ZNF30: variants seen among roughly 807,000 people sequenced by gnomAD.
The protein encoded by ZNF30 is zinc finger protein 30.
A neutral mutation model predicts 13.2 loss-of-function variants in ZNF30; 15 were observed. That is an observed-to-expected ratio of 1.13 (90% CI 0.76 to 1.75). The LOEUF (loss-of-function observed/expected upper bound fraction) is 1.75. Ranked by LOEUF, ZNF30 falls within the 40% of genes most tolerant of loss-of-function variation. The pLI is 0.00. For missense variants in ZNF30, 726 were observed against 757.0 expected (o/e 0.96, Z 0.48); for synonymous variants, 223 against 256.6 (o/e 0.87, Z 1.25).
intron 4 of ZNF30, among the ~76,000 whole-genome samples, chr19:34,936,410 T>A (rs2012742894): frequency 6.6e-6 from 1 of 152,170 alleles, no homozygotes; most frequent in African/African-American, 2.4e-5. Context: ...AGGTTTGGAC[T>A]TGAGCAGCCG....
intron 4 of ZNF30, among the ~76,000 whole-genome samples, chr19:34,935,700 G>GTTTTTTT (rs142285130): frequency 3.6e-5 from 3 of 84,220 alleles, no homozygotes; most frequent in Admixed American, 1.2e-4. Flanking sequence ...GTTGTCTATA[G>GTTTTTTT]TTTTTTTTTT....
intron 1 of ZNF30, among the ~76,000 whole-genome samples, chr19:34,928,220 A>AAAAATATATATAT (rs1555778254): frequency 2.0e-4 from 15 of 73,398 alleles, no homozygotes; most frequent in African/African-American, 6.8e-4. Flanking sequence ...AAAAAAAAAA[A>AAAAATATATATAT]ATATATATAT....
intron 4 of ZNF30, among the ~76,000 whole-genome samples, chr19:34,935,700 G>GTTTTTTTTTTTTTTTTTTTTTTTTTTATT (rs142285130): frequency 1.2e-5 from 1 of 84,222 alleles, no homozygotes; most frequent in Non-Finnish European, 2.2e-5. Flanking sequence ...GTTGTCTATA[G>GTTTTTTTTTTTTTTTTTTTTTTTTTTATT]TTTTTTTTTT....
intron 1 of ZNF30, among the ~76,000 whole-genome samples, chr19:34,927,728 A>G (rs1218410442): frequency 6.6e-6 from 1 of 152,190 alleles, no homozygotes; most frequent in Non-Finnish European, 1.5e-5. Flanking sequence ...AGGTTCTTCA[A>G]TTTTGCATTA....
chr19:34,924,232 G>C (rs2011992898), upstream of ZNF30, among the ~76,000 whole-genome samples: 1 of 151,986 alleles, frequency 6.6e-6, no homozygotes, highest in Non-Finnish European at 1.5e-5. Flanking sequence ...TCACTTTTGA[G>C]GGGCACTTTT....
intron 1 of ZNF30, among the ~76,000 whole-genome samples, chr19:34,927,911 A>C (rs912544446): frequency 1.3e-5 from 2 of 152,288 alleles, no homozygotes; most frequent in African/African-American, 4.8e-5. Flanking sequence ...TTAAGTAAAA[A>C]GTGGAAACAG....
At chr19:34,931,806 C>T (rs757893720) in intron 2 of ZNF30, 37 bp from the exon 3 acceptor site, 1 of 1,598,674 alleles carries the variant, frequency 6.3e-7, no homozygotes, top group Non-Finnish European at 8.5e-7. Flanking sequence ...TATTCCCTCT[C>T]CTTTCACCTT....
At chr19:34,926,891 C>T (rs761859823), upstream of ZNF30, 1 of 398,230 alleles carries the variant, frequency 2.5e-6, no homozygotes, top group Non-Finnish European at 4.4e-6. Context: ...TCTCCGGGCG[C>T]CGGTGGGCGG....
At chr19:34,929,488 G>A (rs1289400226) in intron 1 of ZNF30, among the ~76,000 whole-genome samples, 1 of 152,156 alleles carries the variant, frequency 6.6e-6, no homozygotes, top group Non-Finnish European at 1.5e-5. Context: ...TACCTCCCGT[G>A]TCTTGACCAA....
chr19:34,936,420 G>A (rs1332148223), intron 4 of ZNF30, among the ~76,000 whole-genome samples: 12 of 152,160 alleles, frequency 7.9e-5, no homozygotes, highest in Non-Finnish European at 1.5e-4. Context: ...TTGAGCAGCC[G>A]AATGGTGGTA....
intron 4 of ZNF30, among the ~76,000 whole-genome samples, chr19:34,940,619 G>C (rs1271294222): frequency 7.5e-6 from 1 of 132,844 alleles, no homozygotes; most frequent in Non-Finnish European, 1.5e-5. Context: ...AGTGAGCTGT[G>C]ATCGTACCAC....
At chr19:34,940,082 T>C (rs1004234439) in intron 4 of ZNF30, among the ~76,000 whole-genome samples, 1 of 152,228 alleles carries the variant, frequency 6.6e-6, no homozygotes, top group South Asian at 2.1e-4. Context: ...TTCTTACAAA[T>C]AGTTAGAATT....
rs550460590 is a variant in ZNF30 at position 34,929,780 on chromosome 19, G to A, written c.-64-104G>A. On this transcript the variant is annotated intron_variant, in intron 1 of 4. Transcript: ENST00000601142. ...TGTTCTCCAAATTTTGTTTGAGGGTGTTTGTAGCACAGTTTGGAAGCTGAA... is the reference window on the plus strand; with the variant it reads ...TGTTCTCCAAATTTTGTTTGAGGGTATTTGTAGCACAGTTTGGAAGCTGAA... 16 of 600,382 alleles carry A rather than the reference G, an allele frequency of 2.7e-5. No homozygotes were observed. The East Asian group carries it at 4.8e-4, about 18-fold the overall frequency. 37.2% of individuals were successfully genotyped at this position (600,382 alleles called of 1,614,324 possible).
intron 4 of ZNF30, chr19:34,942,465 AAAG>A (rs1213928299): frequency 2.7e-6 from 1 of 375,174 alleles, no homozygotes; most frequent in African/African-American, 2.2e-5. Flanking sequence ...GAAAAGAAAA[AAAG>A]AAAAAGAAAA....
At chr19:34,942,839 A>G (rs1159978346) in intron 4 of ZNF30, among the ~76,000 whole-genome samples, 1 of 152,220 alleles carries the variant, frequency 6.6e-6, no homozygotes, top group Non-Finnish European at 1.5e-5. Flanking sequence ...AACCCCTAGA[A>G]GGAACAATAA....
intron 4 of ZNF30, among the ~76,000 whole-genome samples, chr19:34,938,586 T>C (rs1381059845): frequency 6.6e-6 from 1 of 152,194 alleles, no homozygotes; most frequent in East Asian, 1.9e-4. Flanking sequence ...ATTTAAGTTG[T>C]GCAATTGCAA....
At position 34,943,828 on chromosome 19, in the gene ZNF30, T is replaced by C; in HGVS notation, c.862T>C (p.Tyr288His). The change falls in exon 5 of 5, where the codon TAC becomes CAC. Residue 288 changes from tyrosine (Y) to histidine (H), a missense_variant. Transcript: ENST00000601142. ...HQRIHTSEKP[Y>H]ECKECGKAFS... is the part of the protein sequence containing the mutation. ...GCGAATTCATACCAGTGAAAAACCT[T>C]ACGAATGCAAAGAATGTGGGAAGGC... The C allele has an allele frequency of 2.5e-6, 4 of 1,614,024 alleles. No individual in the cohort carries two copies. Among genetic ancestry groups the C allele is most frequent in the Non-Finnish European group, 3.4e-6 (4 of 1,179,964 alleles).
At chr19:34,940,068 C>A (rs1348328083) in intron 4 of ZNF30, among the ~76,000 whole-genome samples, 2 of 152,214 alleles carry the variant, frequency 1.3e-5, no homozygotes, top group Non-Finnish European at 2.9e-5. Flanking sequence ...TCATGAAATA[C>A]TAATTCTTAC....
chr19:34,943,364 C>T lies in ZNF30; in HGVS notation c.398C>T (p.Ser133Leu). The change falls in exon 5 of 5, where the codon TCA becomes TTA. Residue 133 changes from serine (S) to leucine (L), a missense_variant. By Grantham distance (145) the Ser-to-Leu change is moderately radical. Coordinates refer to ENST00000601142, the MANE Select transcript of ZNF30 (RefSeq NM_194325.3). ...TATGGAAAGACCCTTTGTCAAGACT[C>T]AAAGCCTGTTCAACATGAAAGAATA... Reference protein sequence around the residue: ...QEYGKTLCQDSKPVQHERIHS... With the variant: ...QEYGKTLCQDLKPVQHERIHS... 1 of 1,613,930 alleles carries T rather than the reference C, an allele frequency of 6.2e-7. No homozygotes were observed. Among genetic ancestry groups the T allele is most frequent in the South Asian group, 1.1e-5 (1 of 91,046 alleles).
Sources: gnomAD v4.1 joint callset for allele counts (sites outside exome capture counted in the v4.1 genomes callset) on GRCh38, gnomAD v4.1.1 for gene constraint, MANE v1.5 for transcripts, NCBI Gene and HGNC (gene_info 2026-07-23, HGNC 2026-07-21) for gene names.